Variants in INSL6 observed in about 807,000 individuals in gnomAD.
INSL6 encodes insulin-like peptide INSL6.
A neutral mutation model predicts 9.4 loss-of-function variants in INSL6; 16 were observed. The ratio of observed to expected loss-of-function variants is 1.70; its 90% CI spans 1.15 to 2.59. INSL6 has a LOEUF of 2.59. Among genes scored for constraint, INSL6 ranks in the 30% most tolerant of loss-of-function variants. The pLI, the probability that INSL6 is intolerant of heterozygous loss-of-function variation, is 0.00. For missense variants in INSL6, 391 were observed against 257.3 expected (o/e 1.52, Z -3.56); for synonymous variants, 154 against 96.9 (o/e 1.59, Z -3.46).
the INSL6 span, chr9:5,055,711 A>G: frequency 6.3e-7 from 1 of 1,591,066 alleles, no homozygotes; most frequent in Non-Finnish European, 8.6e-7. Context: ...TATTGATGTC[A>G]GTATTAAGCA....
chr9:5,146,952 G>C (rs62541903), intron 2 of INSL6, among the ~76,000 whole-genome samples: 36,532 of 152,024 alleles, frequency 0.24, 4,871 homozygotes, highest in South Asian at 0.3. Flanking sequence ...CCCCAGGAAA[G>C]GCCAACAGCA....
chr9:5,120,497 TTTGTTTTAAGCTAACAATA>T (rs1413107640), downstream of INSL6, among the ~76,000 whole-genome samples: 2 of 152,254 alleles, frequency 1.3e-5, no homozygotes, highest in Non-Finnish European at 2.9e-5. Context: ...AAAAGGCTCT[TTTGTTTTAAGCTAACAATA>T]TGGTTGACGG....
chr9:5,180,502 T>C (rs1220536312), intron 1 of INSL6, among the ~76,000 whole-genome samples: 2 of 152,116 alleles, frequency 1.3e-5, no homozygotes, highest in Non-Finnish European at 2.9e-5. Context: ...TTAGTATTAA[T>C]ACCCTGGGAA....
At chr9:5,052,743 G>A in the INSL6 span, among the ~76,000 whole-genome samples, 1 of 152,044 alleles carries the variant, frequency 6.6e-6, no homozygotes, top group Non-Finnish European at 1.5e-5. Flanking sequence ...CATGCAAAAT[G>A]TGGTGTGGCA....
chr9:5,050,805 C>T, the INSL6 span: 3 of 1,613,476 alleles, frequency 1.9e-6, no homozygotes, highest in Non-Finnish European at 2.5e-6. Context: ...ACGATCAAAC[C>T]CCACTGGCCA....
At chr9:5,097,088 T>C in the INSL6 span, 3 of 152,168 alleles carry the variant, frequency 2.0e-5, no homozygotes, top group Admixed American at 6.5e-5. Context: ...GCAGGATCCT[T>C]TGTGGGTCTT....
At chr9:5,006,749 C>A in the INSL6 span, among the ~76,000 whole-genome samples, 1 of 152,200 alleles carries the variant, frequency 6.6e-6, no homozygotes, top group East Asian at 1.9e-4. Flanking sequence ...CCAGTCACCT[C>A]TCACCAGGCC....
the INSL6 span, among the ~76,000 whole-genome samples, chr9:5,024,509 G>C: frequency 2.6e-5 from 4 of 152,022 alleles, no homozygotes; most frequent in African/African-American, 4.8e-5. Flanking sequence ...AGAACAGCTT[G>C]AGGTGAAAGC....
the INSL6 span, among the ~76,000 whole-genome samples, chr9:5,057,095 T>A: frequency 9.8e-5 from 15 of 152,300 alleles, no homozygotes; most frequent in African/African-American, 3.4e-4. Flanking sequence ...ATACATTGTA[T>A]TTCTCCTTGT....
chr9:5,133,158 A>T lies in INSL6; in HGVS notation c.*10+267T>A, dbSNP rs562392254. Reference sequence around the variant, plus strand: ...AGTACATAAACAGATATGCAGTGATATTAGAGTGTCATGGTAGAGGAAATT... The same window carrying T: ...AGTACATAAACAGATATGCAGTGATTTTAGAGTGTCATGGTAGAGGAAATT... On this transcript the variant is annotated intron_variant, in intron 3 of 3. Coordinates refer to the INSL6 transcript ENST00000649639. Among the ~76,000 whole-genome samples the T allele has an allele frequency of 1.3e-5, 2 of 152,128 alleles. 1 individual carries two copies. Among genetic ancestry groups the T allele is most frequent in the East Asian group, 3.8e-4 (2 of 5,196 alleles).
the INSL6 span, among the ~76,000 whole-genome samples, chr9:5,005,336 A>G: frequency 3.3e-5 from 5 of 151,170 alleles, no homozygotes; most frequent in East Asian, 9.7e-4. Flanking sequence ...AGTTGTTTGC[A>G]TTTCTTATCT....
intron 2 of INSL6, among the ~76,000 whole-genome samples, chr9:5,152,821 T>G (rs1240018616): frequency 2.0e-5 from 3 of 152,156 alleles, no homozygotes; most frequent in Non-Finnish European, 4.4e-5. Flanking sequence ...AGAAGGCAGG[T>G]GATTTCTGCA....
chr9:5,023,572 C>T, the INSL6 span, among the ~76,000 whole-genome samples: 4 of 152,156 alleles, frequency 2.6e-5, no homozygotes, highest in Non-Finnish European at 5.9e-5. Flanking sequence ...TCCAGGGGTT[C>T]ACAGTAGGAA....
intron 1 of INSL6, among the ~76,000 whole-genome samples, chr9:5,173,918 T>C (rs905353794): frequency 1.3e-5 from 2 of 152,162 alleles, no homozygotes; most frequent in African/African-American, 2.4e-5. Context: ...CAGGAGAAAA[T>C]TGATGCAATC....
At position 5,167,285 on chromosome 9, in the gene INSL6, C is replaced by G. The variant is rs181346424; in HGVS notation, c.290-3020G>C. Among the ~76,000 whole-genome samples, 8 of 152,320 alleles carry G rather than the reference C, an allele frequency of 5.3e-5. No individual in the cohort carries two copies. In the East Asian group the frequency reaches 1.5e-3, roughly 29 times the overall value. Reference sequence around the variant, plus strand: ...GAGGTCCCCTCATGAGCCCATGCCACCAGGGCCTTGGGTTCCAAGCATTAA... The same window carrying G: ...GAGGTCCCCTCATGAGCCCATGCCAGCAGGGCCTTGGGTTCCAAGCATTAA... On this transcript the variant is annotated intron_variant, in intron 1 of 1. Transcript: ENST00000381641.
At chr9:5,170,553 G>C (rs1420174875) in intron 1 of INSL6, among the ~76,000 whole-genome samples, 3 of 127,826 alleles carry the variant, frequency 2.3e-5, no homozygotes, top group Non-Finnish European at 4.8e-5. Context: ...ATGAATCCAG[G>C]GGCTTTTTTT....
At chr9:4,999,010 A>G in the INSL6 span, among the ~76,000 whole-genome samples, 1 of 151,406 alleles carries the variant, frequency 6.6e-6, no homozygotes. Flanking sequence ...TATTTTCAGT[A>G]GAGACGGGGT....
intron 1 of INSL6, among the ~76,000 whole-genome samples, chr9:5,177,126 G>T (rs1378822021): frequency 6.6e-6 from 1 of 152,160 alleles, no homozygotes; most frequent in Non-Finnish European, 1.5e-5. Flanking sequence ...TGTGATCCAT[G>T]GCGCTCAGGG....
the INSL6 span, chr9:5,044,536 CTT>C: frequency 7.2e-7 from 1 of 1,386,200 alleles, no homozygotes; most frequent in Non-Finnish European, 1.0e-6. Flanking sequence ...ATTATATTAT[CTT>C]ACTTGTACAT....
Sources: gnomAD v4.1 joint callset for allele counts (sites outside exome capture counted in the v4.1 genomes callset) on GRCh38, gnomAD v4.1.1 for gene constraint, MANE v1.5 for transcripts, NCBI Gene and HGNC (gene_info 2026-07-23, HGNC 2026-07-21) for gene names.